PPFIA2: variants seen among roughly 807,000 people sequenced by gnomAD.
PPFIA2 encodes the protein PPFI scaffold protein A2, also known as liprin-alpha-2.
PPFIA2 carries 46 observed loss-of-function variants against 175.5 expected under a neutral mutation model. The ratio of observed to expected loss-of-function variants is 0.26; its 90% CI spans 0.21 to 0.34. The LOEUF (loss-of-function observed/expected upper bound fraction) is 0.34, where lower values mean the gene tolerates loss of function less well. Among genes scored for constraint, PPFIA2 ranks in the 10% least tolerant of loss-of-function variants. The pLI is 1.00. For missense variants in PPFIA2, 1,179 were observed against 1,506.1 expected, an observed-to-expected ratio of 0.78 and a Z score of 3.60; for synonymous variants, 568 against 511.4, an observed-to-expected ratio of 1.11 and a Z score of -1.49.
chr12:81,327,627 A>G (rs1214046348), intron 21 of PPFIA2, among the ~76,000 whole-genome samples: 1 of 152,142 alleles, frequency 6.6e-6, no homozygotes, highest in African/African-American at 2.4e-5. Flanking sequence ...TATTCAATAA[A>G]CAAGGAAAGA....
At chr12:81,597,454 T>C (rs2059367255) in intron 4 of PPFIA2, among the ~76,000 whole-genome samples, 3 of 152,094 alleles carry the variant, frequency 2.0e-5, no homozygotes. Context: ...ACCTCCTGTA[T>C]TGTTTATTGT....
chr12:81,589,248 G>A (rs973530546), intron 4 of PPFIA2, among the ~76,000 whole-genome samples: 5 of 151,992 alleles, frequency 3.3e-5, no homozygotes, highest in African/African-American at 1.2e-4. Flanking sequence ...GCAAATGGAA[G>A]AGTTATAACT....
intron 11 of PPFIA2, among the ~76,000 whole-genome samples, chr12:81,370,893 G>A (rs1034839088): frequency 4.0e-5 from 6 of 151,810 alleles, no homozygotes; most frequent in African/African-American, 1.5e-4. Context: ...CATTTTATAA[G>A]CTCATTCTAA....
rs1565897437 is a variant in PPFIA2 at position 81,282,363 on chromosome 12, G to T, written c.3018+647C>A. Among the ~76,000 whole-genome samples, 6 of 152,094 alleles carry T rather than the reference G, an allele frequency of 3.9e-5. No homozygotes were observed. The South Asian group carries it at 1.0e-3, about 26-fold the overall frequency. On this transcript the variant is annotated intron_variant, in intron 26 of 32. Coordinates refer to ENST00000549396, the MANE Select transcript of PPFIA2 (RefSeq NM_003625.5). ...TCAAAATCAAATACAATCCTACTGTGTGTTTAAATACAGGTCCTAATGTAA... is the reference window on the plus strand; with the variant it reads ...TCAAAATCAAATACAATCCTACTGTTTGTTTAAATACAGGTCCTAATGTAA...
intron 23 of PPFIA2, chr12:81,296,522 T>C (rs904718453): frequency 2.6e-5 from 4 of 152,132 alleles, no homozygotes; most frequent in Admixed American, 6.5e-5. Flanking sequence ...CCCTCCATCA[T>C]TAGTTATGAG....
intron 7 of PPFIA2, among the ~76,000 whole-genome samples, chr12:81,415,170 GT>G (rs2044713367): frequency 1.3e-5 from 1 of 75,148 alleles, no homozygotes; most frequent in African/African-American, 5.2e-5. Context: ...ATTTATCTTG[GT>G]TCAGGTAAAA....
At chr12:81,511,720 A>G (rs2147810741) in intron 4 of PPFIA2, among the ~76,000 whole-genome samples, 1 of 152,170 alleles carries the variant, frequency 6.6e-6, no homozygotes, top group African/African-American at 2.4e-5. Context: ...TAAATGATGA[A>G]TGAATACATG....
intron 7 of PPFIA2, among the ~76,000 whole-genome samples, chr12:81,414,112 A>C (rs2044501887): frequency 6.6e-6 from 1 of 151,818 alleles, no homozygotes; most frequent in African/African-American, 2.4e-5. Context: ...ATATACTTGA[A>C]GTCATACAGA....
At chr12:81,745,711 T>C (rs966807165) in intron 3 of PPFIA2, among the ~76,000 whole-genome samples, 2 of 152,224 alleles carry the variant, frequency 1.3e-5, no homozygotes, top group Admixed American at 6.5e-5. Context: ...AACCTTTTTC[T>C]TGACCTTGGA....
chr12:81,261,811 C>T, intron 32 of PPFIA2, 138 bp downstream of exon 32: 4 of 571,486 alleles, frequency 7.0e-6, no homozygotes, highest in Non-Finnish European at 1.2e-5. Flanking sequence ...ATTTCTTTTT[C>T]CCCTGAAGCA....
intron 4 of PPFIA2, among the ~76,000 whole-genome samples, chr12:81,639,758 C>T (rs938251155): frequency 2.0e-5 from 3 of 152,026 alleles, no homozygotes; most frequent in East Asian, 1.9e-4. Flanking sequence ...CTGAAAATAA[C>T]GATATAATAT....
At chr12:81,636,655 T>G (rs1264295404) in intron 4 of PPFIA2, among the ~76,000 whole-genome samples, 1 of 151,762 alleles carries the variant, frequency 6.6e-6, no homozygotes, top group Non-Finnish European at 1.5e-5. Context: ...TTTTGGTTTG[T>G]TTTGTTTTTT....
intron 4 of PPFIA2, among the ~76,000 whole-genome samples, chr12:81,475,855 G>A (rs1240464797): frequency 2.0e-5 from 3 of 152,138 alleles, no homozygotes; most frequent in Non-Finnish European, 4.4e-5. Flanking sequence ...GGGACTACAG[G>A]TGCCCGCCAC....
chr12:81,653,918 T>A (rs139327292), intron 4 of PPFIA2, among the ~76,000 whole-genome samples: 2,523 of 152,112 alleles, frequency 0.017, 40 homozygotes, highest in Admixed American at 0.053. Context: ...TATATGTATA[T>A]GTGAATACAT....
chr12:81,742,359 G>GT (rs1248695442), intron 3 of PPFIA2, among the ~76,000 whole-genome samples: 1 of 152,162 alleles, frequency 6.6e-6, no homozygotes, highest in Non-Finnish European at 1.5e-5. Flanking sequence ...TCTGATTCGG[G>GT]TAAGAGATGG....
chr12:81,665,864 A>C (rs1312257669), intron 4 of PPFIA2, among the ~76,000 whole-genome samples: 8 of 152,130 alleles, frequency 5.3e-5, no homozygotes. Context: ...CAATCTACTC[A>C]TCTGACAAAG....
chr12:81,702,588 A>C (rs1324015186), intron 3 of PPFIA2, among the ~76,000 whole-genome samples: 1 of 152,140 alleles, frequency 6.6e-6, no homozygotes, highest in African/African-American at 2.4e-5. Flanking sequence ...AAAGCCACTG[A>C]AAGGATTTTG....
chr12:81,508,225 G>A (rs1036863246), intron 4 of PPFIA2, among the ~76,000 whole-genome samples: 1 of 151,868 alleles, frequency 6.6e-6, no homozygotes, highest in Non-Finnish European at 1.5e-5. Flanking sequence ...AACATTTATG[G>A]TAAGAGCTTT....
chr12:81,286,870 TTAAA>T (rs1469207972), intron 24 of PPFIA2, among the ~76,000 whole-genome samples: 1 of 152,044 alleles, frequency 6.6e-6, no homozygotes, highest in Non-Finnish European at 1.5e-5. Context: ...TGTACACCTA[TTAAA>T]TAAATTTAGA....
Sources: gnomAD v4.1 joint callset for allele counts (sites outside exome capture counted in the v4.1 genomes callset) on GRCh38, gnomAD v4.1.1 for gene constraint, MANE v1.5 for transcripts, NCBI Gene and HGNC (gene_info 2026-07-23, HGNC 2026-07-21) for gene names.